Variants in EXOC6 observed in about 807,000 individuals in gnomAD.
The protein encoded by EXOC6 is exocyst complex component 6, also known as SEC15-like 1.
A neutral mutation model predicts 112.5 loss-of-function variants in EXOC6; 60 were observed. The ratio of observed to expected loss-of-function variants is 0.53; its 90% CI spans 0.43 to 0.66. The LOEUF (loss-of-function observed/expected upper bound fraction) is 0.66. Among genes scored for constraint, EXOC6 ranks in the 30% least tolerant of loss-of-function variants. The probability of loss-of-function intolerance (pLI) is 0.00; values close to 1 mark genes in which losing one functional copy is unlikely to be tolerated. For missense variants in EXOC6, 855 were observed against 957.1 expected, an observed-to-expected ratio of 0.89 and a Z score of 1.41; for synonymous variants, 295 against 308.0, an observed-to-expected ratio of 0.96 and a Z score of 0.44.
intron 18 of EXOC6, among the ~76,000 whole-genome samples, chr10:92,980,702 T>C (rs1358435156): frequency 6.6e-6 from 1 of 152,200 alleles, no homozygotes; most frequent in Non-Finnish European, 1.5e-5. Context: ...TGAGGTCTGA[T>C]TAATATGTAA....
intron 18 of EXOC6, among the ~76,000 whole-genome samples, chr10:92,995,174 G>C (rs954885425): frequency 6.6e-6 from 1 of 151,678 alleles, no homozygotes; most frequent in Non-Finnish European, 1.5e-5. Context: ...TTAGTATTAC[G>C]CATGATATTT....
At chr10:92,972,736 A>G (rs931804939) in intron 17 of EXOC6, among the ~76,000 whole-genome samples, 13 of 152,080 alleles carry the variant, frequency 8.5e-5, no homozygotes, top group Non-Finnish European at 8.8e-5. Flanking sequence ...AGCTATTTCA[A>G]CAGTTTCCTT....
rs1845340874 is a variant in EXOC6, at chr10:93,033,029, G to A, written c.2169+18762G>A. Among the ~76,000 whole-genome samples the A allele has an allele frequency of 2.6e-5, 4 of 152,226 alleles. No individual in the cohort carries two copies. In the South Asian group the frequency reaches 8.3e-4, roughly 32 times the overall value. On this transcript the variant is annotated intron_variant, in intron 20 of 21. Transcript: ENST00000260762. Reference sequence around the variant, plus strand: ...TATAATGTAGTGTGCAAGAGGAAGAGGGGCAAATGAAATTAGGAGGATTAT... The same window carrying A: ...TATAATGTAGTGTGCAAGAGGAAGAAGGGCAAATGAAATTAGGAGGATTAT...
chr10:92,999,381 G>A (rs1843650457), intron 19 of EXOC6: 2 of 332,534 alleles, frequency 6.0e-6, no homozygotes, highest in Non-Finnish European at 1.2e-5. Context: ...AAGCTTTTAA[G>A]CTGAAAGTAA....
chr10:92,913,010 G>A (rs920857973), intron 6 of EXOC6, among the ~76,000 whole-genome samples: 2 of 152,286 alleles, frequency 1.3e-5, no homozygotes, highest in Admixed American at 6.5e-5. Flanking sequence ...GCTCTCTGCA[G>A]GGGGAAGCAC....
chr10:92,976,111 C>T (rs1289890852), intron 18 of EXOC6, among the ~76,000 whole-genome samples: 65 of 151,614 alleles, frequency 4.3e-4, no homozygotes, highest in African/African-American at 1.5e-3. Flanking sequence ...CGCCTCTGCC[C>T]GGCCACCCCT....
At chr10:93,034,003 T>A (rs144745993) in intron 20 of EXOC6, among the ~76,000 whole-genome samples, 1 of 152,362 alleles carries the variant, frequency 6.6e-6, no homozygotes, top group East Asian at 1.9e-4. Flanking sequence ...GATGGAGTCC[T>A]GCACTTCTTA....
intron 20 of EXOC6, among the ~76,000 whole-genome samples, chr10:93,025,265 A>G (rs1353540499): frequency 1.3e-5 from 2 of 152,204 alleles, no homozygotes; most frequent in Non-Finnish European, 2.9e-5. Context: ...CATTCATGAA[A>G]TTGTGGTATT....
At chr10:92,987,899 A>G (rs1843073976) in intron 18 of EXOC6, among the ~76,000 whole-genome samples, 1 of 151,956 alleles carries the variant, frequency 6.6e-6, no homozygotes, top group Admixed American at 6.6e-5. Context: ...GCATTTGGAA[A>G]CTTCTCTGTG....
chr10:92,919,982 A>G lies in EXOC6; in HGVS notation c.820A>G (p.Ile274Val), dbSNP rs2133906874. The G allele has an allele frequency of 6.3e-7, 1 of 1,595,220 alleles. No individual in the cohort carries two copies. Among genetic ancestry groups the G allele is most frequent in the Non-Finnish European group, 8.6e-7 (1 of 1,169,580 alleles). ...TTTTTAAAAATGGTTTAATTTTCAG[A>G]TCTTAACTGTTCAGGATCTTGTTGA... is the stretch of plus-strand genomic sequence containing the variant. ...LEEEDENEEE[I>V]LTVQDLVDFS... The change falls in exon 8 of 22, where the codon ATC (isoleucine) becomes GTC (valine). Residue 274 changes from isoleucine to valine, a missense_variant and splice_region_variant. Ile to Val is a conservative substitution (Grantham distance 29). This residue lies in a region of EXOC6 where 405 missense variants were observed against 393.6 expected (regional missense o/e 1.03). Transcript: ENST00000260762.
At chr10:93,010,836 A>G (rs1349641057) in intron 19 of EXOC6, among the ~76,000 whole-genome samples, 1 of 152,098 alleles carries the variant, frequency 6.6e-6, no homozygotes, top group East Asian at 1.9e-4. Context: ...TATTTACTCA[A>G]GTAAGTTATT....
chr10:92,963,653 G>A (rs1211867934), intron 17 of EXOC6, among the ~76,000 whole-genome samples: 1 of 151,020 alleles, frequency 6.6e-6, no homozygotes, highest in South Asian at 2.1e-4. Context: ...TTACCTGGCC[G>A]ATTTTTTAAA....
At chr10:92,887,501 A>G (rs1198211681) in intron 1 of EXOC6, among the ~76,000 whole-genome samples, 1 of 146,760 alleles carries the variant, frequency 6.8e-6, no homozygotes, top group Non-Finnish European at 1.5e-5. Flanking sequence ...GGGTTCAAGC[A>G]GTTCTCTCCT....
intron 7 of EXOC6, among the ~76,000 whole-genome samples, chr10:92,919,546 A>G (rs1271995684): frequency 6.6e-6 from 1 of 152,140 alleles, no homozygotes; most frequent in Non-Finnish European, 1.5e-5. Context: ...AATAATACTG[A>G]TAGTGTCTTT....
chr10:93,035,889 A>G (rs1845493543), intron 20 of EXOC6, among the ~76,000 whole-genome samples: 1 of 152,012 alleles, frequency 6.6e-6, no homozygotes, highest in Non-Finnish European at 1.5e-5. Flanking sequence ...GGAAGTAGAT[A>G]TTGTATGTTC....
chr10:92,960,893 A>G (rs947606370), intron 17 of EXOC6, among the ~76,000 whole-genome samples: 1 of 152,170 alleles, frequency 6.6e-6, no homozygotes, highest in African/African-American at 2.4e-5. Context: ...GTATTCCATG[A>G]TAGAATTTAC....
intron 17 of EXOC6, among the ~76,000 whole-genome samples, chr10:92,960,138 A>G (rs1853904942): frequency 6.6e-6 from 1 of 152,220 alleles, no homozygotes; most frequent in African/African-American, 2.4e-5. Context: ...GAATGTATAA[A>G]TAAACCCTGG....
At chr10:93,033,024 GA>G (rs1387240710) in intron 20 of EXOC6, among the ~76,000 whole-genome samples, 2 of 152,128 alleles carry the variant, frequency 1.3e-5, no homozygotes, top group African/African-American at 4.8e-5. Context: ...TGTGCAAGAG[GA>G]AGAGGGGCAA....
intron 1 of EXOC6, among the ~76,000 whole-genome samples, chr10:92,882,931 G>C (rs1030392222): frequency 1.3e-5 from 2 of 152,202 alleles, no homozygotes; most frequent in Non-Finnish European, 2.9e-5. Context: ...GGAACAAATA[G>C]AGTGTCTCAG....
Sources: gnomAD v4.1 joint callset for allele counts (sites outside exome capture counted in the v4.1 genomes callset) on GRCh38, gnomAD v4.1.1 for gene constraint, gnomAD v4.1.1 regional missense constraint, MANE v1.5 for transcripts, NCBI Gene and HGNC (gene_info 2026-07-23, HGNC 2026-07-21) for gene names.